MKLN1: variants seen among roughly 807,000 people sequenced by gnomAD.
The protein encoded by MKLN1 is muskelin 1.
Under a neutral mutation model 99.0 loss-of-function variants are expected in MKLN1, and 18 were observed. The observed-to-expected ratio is 0.18, with a 90% CI of 0.13 to 0.27. The LOEUF is 0.27. MKLN1 is among the 10% of genes least tolerant of loss of function. The probability of loss-of-function intolerance (pLI) is 1.00; values close to 1 mark genes in which losing one functional copy is unlikely to be tolerated. For synonymous variants in MKLN1, 288 were observed against 293.2 expected (o/e 0.98, Z 0.18); for missense variants, 621 against 875.9 (o/e 0.71, Z 3.67).
At chr7:131,133,604 G>A (rs1428686985) in intron 1 of MKLN1, among the ~76,000 whole-genome samples, 17 of 150,424 alleles carry the variant, frequency 1.1e-4, no homozygotes, top group African/African-American at 3.4e-4. Flanking sequence ...CGCCCGCCTC[G>A]GCCTCCCAAA....
At chr7:131,196,726 G>T (rs1796651057) in intron 2 of MKLN1, among the ~76,000 whole-genome samples, 1 of 152,086 alleles carries the variant, frequency 6.6e-6, no homozygotes, top group African/African-American at 2.4e-5. Flanking sequence ...GTCCTCTTCA[G>T]CTCTTCTCCT....
intron 8 of MKLN1, among the ~76,000 whole-genome samples, chr7:131,421,002 G>A (rs1795174876): frequency 1.3e-5 from 2 of 152,054 alleles, no homozygotes; most frequent in African/African-American, 2.4e-5. Flanking sequence ...TGTTTTATTG[G>A]TTATATTCGA....
chr7:131,316,196 A>T (rs1351710607), intron 3 of MKLN1, among the ~76,000 whole-genome samples: 4 of 152,204 alleles, frequency 2.6e-5, no homozygotes, highest in African/African-American at 9.7e-5. Flanking sequence ...CACCTCATAT[A>T]GGAGAGCTCC....
chr7:131,118,783 A>G (rs920820946), intron 1 of MKLN1, among the ~76,000 whole-genome samples: 2 of 152,196 alleles, frequency 1.3e-5, no homozygotes, highest in African/African-American at 4.8e-5. Flanking sequence ...CTTTTAAACA[A>G]GCACATATCT....
chr7:131,291,586 A>T (rs1008218564), intron 3 of MKLN1, among the ~76,000 whole-genome samples: 1 of 145,374 alleles, frequency 6.9e-6, no homozygotes, highest in Non-Finnish European at 1.5e-5. Flanking sequence ...TTTATTATAT[A>T]TATATATATA....
At chr7:131,188,713 G>A (rs1214496487) in intron 2 of MKLN1, among the ~76,000 whole-genome samples, 2 of 152,220 alleles carry the variant, frequency 1.3e-5, no homozygotes, top group Admixed American at 1.3e-4. Flanking sequence ...GAGCTGCAAA[G>A]TCACATTGCA....
intron 3 of MKLN1, among the ~76,000 whole-genome samples, chr7:131,283,972 T>C (rs995225096): frequency 1.3e-5 from 2 of 152,236 alleles, no homozygotes; most frequent in Non-Finnish European, 2.9e-5. Context: ...TAACATTATA[T>C]TATATAATAC....
chr7:131,125,001 A>G (rs1795431591), intron 1 of MKLN1, among the ~76,000 whole-genome samples: 1 of 152,216 alleles, frequency 6.6e-6, no homozygotes, highest in Non-Finnish European at 1.5e-5. Flanking sequence ...TTCTGTATTC[A>G]TAGCCCGTGC....
intron 17 of MKLN1, among the ~76,000 whole-genome samples, chr7:131,481,688 TG>T (rs1289728097): frequency 3.3e-5 from 5 of 152,130 alleles, no homozygotes; most frequent in African/African-American, 1.2e-4. Context: ...TTAGAGTTCC[TG>T]GTTCTTGTTC....
At chr7:131,329,173 C>T (rs573864348) in intron 1 of MKLN1, among the ~76,000 whole-genome samples, 2 of 152,134 alleles carry the variant, frequency 1.3e-5, no homozygotes, top group Non-Finnish European at 2.9e-5. Context: ...TCACATTTAT[C>T]CAAATTTGAT....
chr7:131,240,344 C>T (rs569419452), intron 3 of MKLN1, among the ~76,000 whole-genome samples: 1 of 152,274 alleles, frequency 6.6e-6, no homozygotes, highest in South Asian at 2.1e-4. Context: ...TCTAGGTCTA[C>T]TAGTAATCGT....
chr7:131,330,441 A>G (rs892285715), intron 1 of MKLN1, among the ~76,000 whole-genome samples: 8 of 152,202 alleles, frequency 5.3e-5, no homozygotes, highest in African/African-American at 1.9e-4. Flanking sequence ...TTTTAAGTGT[A>G]TCAACTCATT....
chr7:131,201,228 C>T (rs1796722953), intron 2 of MKLN1, among the ~76,000 whole-genome samples: 1 of 152,192 alleles, frequency 6.6e-6, no homozygotes, highest in Non-Finnish European at 1.5e-5. Context: ...CCATGTTGTC[C>T]AGGCTGGTCT....
chr7:131,228,222 C>T (rs1174434171), intron 3 of MKLN1, among the ~76,000 whole-genome samples: 1 of 152,160 alleles, frequency 6.6e-6, no homozygotes, highest in African/African-American at 2.4e-5. Flanking sequence ...CACCACCATA[C>T]CCAGCTAATT....
At chr7:131,350,763 T>C (rs1481186416) in intron 1 of MKLN1, among the ~76,000 whole-genome samples, 5 of 152,186 alleles carry the variant, frequency 3.3e-5, no homozygotes, top group Admixed American at 3.3e-4. Flanking sequence ...CCATATTCTC[T>C]TCATTAAAAA....
intron 17 of MKLN1, among the ~76,000 whole-genome samples, chr7:131,480,539 T>C (rs772059063): frequency 6.6e-6 from 1 of 152,190 alleles, no homozygotes; most frequent in Non-Finnish European, 1.5e-5. Context: ...CTCCAGAATA[T>C]GTAGGATTCC....
chr7:131,203,463 G>C (rs1796760607), intron 3 of MKLN1, among the ~76,000 whole-genome samples: 1 of 152,122 alleles, frequency 6.6e-6, no homozygotes, highest in South Asian at 2.1e-4. Flanking sequence ...AAATATTTTT[G>C]TGCTGCGGTG....
At chr7:131,212,560 A>AT (rs1426007100) in intron 3 of MKLN1, among the ~76,000 whole-genome samples, 3 of 152,370 alleles carry the variant, frequency 2.0e-5, no homozygotes, top group Admixed American at 2.0e-4. Flanking sequence ...ATTTCAAAAC[A>AT]TCTTCATTAT....
chr7:131,241,698 C>T (rs1291388708), intron 3 of MKLN1, among the ~76,000 whole-genome samples: 1 of 152,238 alleles, frequency 6.6e-6, no homozygotes, highest in East Asian at 1.9e-4. Context: ...ACTGTCACAA[C>T]ACCTAGCTTT....
Sources: gnomAD v4.1 joint callset for allele counts (sites outside exome capture counted in the v4.1 genomes callset) on GRCh38, gnomAD v4.1.1 for gene constraint, MANE v1.5 for transcripts, NCBI Gene and HGNC (gene_info 2026-07-23, HGNC 2026-07-21) for gene names.